The following ADAMTSL1 variants were observed in gnomAD, a reference collection of about 807,000 sequenced individuals.
ADAMTSL1 encodes ADAMTS like 1, also known as ADAMTS-like protein 1.
Under a neutral mutation model 201.8 loss-of-function variants are expected in ADAMTSL1, and 126 were observed. The ratio of observed to expected loss-of-function variants is 0.62; its 90% CI spans 0.54 to 0.72. The LOEUF is 0.72. Ranked by LOEUF, ADAMTSL1 falls within the 30% of genes least tolerant of loss-of-function variation. The probability of loss-of-function intolerance (pLI) is 0.00; values close to 1 mark genes in which losing one functional copy is unlikely to be tolerated. For missense variants in ADAMTSL1, 2,679 were observed against 2,277.8 expected (o/e 1.18, Z -3.59); for synonymous variants, 1,121 against 903.4 (o/e 1.24, Z -4.32).
intron 1 of ADAMTSL1, among the ~76,000 whole-genome samples, chr9:18,093,442 C>T (rs931433121): frequency 1.3e-5 from 2 of 152,104 alleles, no homozygotes; most frequent in African/African-American, 4.8e-5. Context: ...TAACAAGGAG[C>T]GTTCAAATTC....
intron 2 of ADAMTSL1, among the ~76,000 whole-genome samples, chr9:18,465,996 TCTC>T (rs1456870091): frequency 6.6e-6 from 1 of 151,996 alleles, no homozygotes; most frequent in Non-Finnish European, 1.5e-5. Context: ...GGTGATCTGC[TCTC>T]CTCAGCCTCC....
rs1318606008 is a variant in ADAMTSL1 at position 18,784,640 on chromosome 9, A to G, written c.3677+6734A>G. 3.9e-5 allele frequency among the ~76,000 whole-genome samples: 6 copies of G among 152,326 alleles called. No individual in the cohort carries two copies. The East Asian group carries it at 5.8e-4, about 15-fold the overall frequency. ...TTTGAAAAGCACTGCTGTAGTGTGT[A>G]TAAGTACAGAGTAAATCTCCTATCA... On this transcript the variant is annotated intron_variant, in intron 19 of 28. Coordinates refer to ENST00000380548, the MANE Select transcript of ADAMTSL1 (RefSeq NM_001040272.6).
intron 1 of ADAMTSL1, among the ~76,000 whole-genome samples, chr9:17,943,132 G>C (rs1332365859): frequency 2.6e-5 from 4 of 151,984 alleles, no homozygotes; most frequent in Non-Finnish European, 4.4e-5. Context: ...TCTTTTGACA[G>C]AGTCTCACTA....
chr9:18,330,120 T>C (rs966217971), intron 2 of ADAMTSL1, among the ~76,000 whole-genome samples: 1 of 152,158 alleles, frequency 6.6e-6, no homozygotes, highest in Non-Finnish European at 1.5e-5. Flanking sequence ...AGAAATAAAA[T>C]GTCCTTATTT....
intron 1 of ADAMTSL1, among the ~76,000 whole-genome samples, chr9:17,928,137 G>C (rs1302482196): frequency 6.6e-6 from 1 of 151,908 alleles, no homozygotes; most frequent in African/African-American, 2.4e-5. Context: ...TGGGACTACA[G>C]GGATACGCCA....
intron 1 of ADAMTSL1, among the ~76,000 whole-genome samples, chr9:18,118,061 C>G (rs1825329667): frequency 6.6e-6 from 1 of 152,132 alleles, no homozygotes; most frequent in Non-Finnish European, 1.5e-5. Flanking sequence ...ATCTGAAGCA[C>G]AAAAATAAAT....
chr9:18,255,953 C>T (rs1420736745), intron 2 of ADAMTSL1, among the ~76,000 whole-genome samples: 1 of 152,184 alleles, frequency 6.6e-6, no homozygotes, highest in East Asian at 1.9e-4. Flanking sequence ...AACTGACTTT[C>T]GCCCCCATCA....
rs1262768641 is a variant in ADAMTSL1 at position 17,979,739 on chromosome 9, G to A, written c.87+72817G>A. On this transcript the variant is annotated intron_variant, in intron 1 of 29. Transcript: ENST00000680146. ...CTCTGGTGTTTGTGCATTGGAAAGA[G>A]TAAGTACCTCTTTCAGGAGTTCCAG... Among the ~76,000 whole-genome samples, 3 of 152,112 alleles carry A rather than the reference G, an allele frequency of 2.0e-5. No individual in the cohort carries two copies. In the East Asian group the frequency reaches 5.8e-4, roughly 29 times the overall value.
chr9:18,320,453 C>G (rs1307550776), intron 2 of ADAMTSL1, among the ~76,000 whole-genome samples: 1 of 152,124 alleles, frequency 6.6e-6, no homozygotes, highest in Non-Finnish European at 1.5e-5. Flanking sequence ...AACACATTAT[C>G]AGATAAAGGA....
intron 2 of ADAMTSL1, among the ~76,000 whole-genome samples, chr9:18,190,550 C>A (rs1828929610): frequency 6.6e-6 from 1 of 152,148 alleles, no homozygotes; most frequent in South Asian, 2.1e-4. Flanking sequence ...TGTTCCCAAA[C>A]TGGGAGATAA....
At chr9:18,183,860 T>C (rs1045852694) in intron 2 of ADAMTSL1, among the ~76,000 whole-genome samples, 1 of 152,208 alleles carries the variant, frequency 6.6e-6, no homozygotes, top group Non-Finnish European at 1.5e-5. Context: ...TTTTCTATTA[T>C]TTTGAATTTG....
At chr9:17,946,598 C>A (rs1827496198) in intron 1 of ADAMTSL1, among the ~76,000 whole-genome samples, 1 of 151,948 alleles carries the variant, frequency 6.6e-6, no homozygotes, top group African/African-American at 2.4e-5. Flanking sequence ...TGAAAATTTT[C>A]TAATTAAAAA....
chr9:18,741,969 C>T (rs1374118497), intron 15 of ADAMTSL1, among the ~76,000 whole-genome samples: 5 of 152,166 alleles, frequency 3.3e-5, no homozygotes, highest in African/African-American at 1.2e-4. Flanking sequence ...GGATTTACTG[C>T]CATTTACATT....
chr9:18,699,829 T>C (rs1412235157), intron 13 of ADAMTSL1, among the ~76,000 whole-genome samples: 1 of 152,212 alleles, frequency 6.6e-6, no homozygotes, highest in Non-Finnish European at 1.5e-5. Flanking sequence ...TGAAGATGCC[T>C]CATAGCCTAG....
At chr9:18,209,267 G>A (rs1829775361) in intron 2 of ADAMTSL1, among the ~76,000 whole-genome samples, 1 of 151,382 alleles carries the variant, frequency 6.6e-6, no homozygotes, top group Admixed American at 6.6e-5. Context: ...TGTGATGGCT[G>A]AAAGAACCCA....
At chr9:18,119,947 A>G (rs1327978771) in intron 1 of ADAMTSL1, among the ~76,000 whole-genome samples, 1 of 152,212 alleles carries the variant, frequency 6.6e-6, no homozygotes, top group Non-Finnish European at 1.5e-5. Context: ...CCACTTTTCT[A>G]TGAATTCATT....
intron 1 of ADAMTSL1, among the ~76,000 whole-genome samples, chr9:18,015,717 C>T (rs544115315): frequency 1.3e-5 from 2 of 152,104 alleles, no homozygotes; most frequent in African/African-American, 4.8e-5. Context: ...CCCTAAGCTT[C>T]TTCCCACAAG....
At chr9:18,113,199 G>A (rs928884928) in intron 1 of ADAMTSL1, among the ~76,000 whole-genome samples, 1 of 152,124 alleles carries the variant, frequency 6.6e-6, no homozygotes, top group African/African-American at 2.4e-5. Context: ...AGGACAATGA[G>A]TAAGTCCAAT....
At chr9:18,314,664 G>A (rs901828787) in intron 2 of ADAMTSL1, among the ~76,000 whole-genome samples, 9 of 151,898 alleles carry the variant, frequency 5.9e-5, no homozygotes, top group African/African-American at 2.2e-4. Context: ...AGCTCATAAA[G>A]GCATGCGGAC....
Sources: allele counts gnomAD v4.1 joint callset (sites outside exome capture counted in the v4.1 genomes callset), GRCh38; gene constraint gnomAD v4.1.1; transcripts MANE v1.5; gene names NCBI Gene and HGNC (gene_info 2026-07-23, HGNC 2026-07-21).